DLG2: variants seen among roughly 807,000 people sequenced by gnomAD.
The protein encoded by DLG2 is disks large homolog 2.
A neutral mutation model predicts 132.5 loss-of-function variants in DLG2; 45 were observed. That is an observed-to-expected ratio of 0.34 (90% CI 0.27 to 0.44). The LOEUF is 0.44. Ranked by LOEUF, DLG2 falls within the 20% of genes least tolerant of loss-of-function variation. The pLI is 1.00. For synonymous variants in DLG2, 424 were observed against 419.6 expected (o/e 1.01, Z -0.13); for missense variants, 1,045 against 1,196.9 (o/e 0.87, Z 1.87).
intron 8 of DLG2, 75 bp from the exon 9 acceptor site, chr11:84,163,586 G>A: frequency 8.1e-7 from 1 of 1,227,110 alleles, no homozygotes; most frequent in Non-Finnish European, 1.1e-6. Context: ...TTTAAATAAT[G>A]CTTGGGGGTG....
At chr11:83,881,175 C>T (rs1311494847) in intron 15 of DLG2, among the ~76,000 whole-genome samples, 4 of 152,190 alleles carry the variant, frequency 2.6e-5, no homozygotes, top group Non-Finnish European at 5.9e-5. Context: ...GCTGACTTTT[C>T]TCCATTTGGA....
At chr11:84,932,178 A>G (rs1341248604) in intron 6 of DLG2, among the ~76,000 whole-genome samples, 2 of 152,044 alleles carry the variant, frequency 1.3e-5, no homozygotes, top group African/African-American at 4.8e-5. Context: ...GCATCTTTAT[A>G]ATGAAATCTT....
At chr11:84,707,017 C>G (rs181727337) in intron 6 of DLG2, among the ~76,000 whole-genome samples, 1 of 151,856 alleles carries the variant, frequency 6.6e-6, no homozygotes, top group Admixed American at 6.6e-5. Flanking sequence ...CTAGCTGTGA[C>G]AGTGCAAAAT....
chr11:84,404,404 A>G (rs183245465), intron 7 of DLG2, among the ~76,000 whole-genome samples: 81 of 152,178 alleles, frequency 5.3e-4, no homozygotes, highest in African/African-American at 1.9e-3. Flanking sequence ...CTCAATCCCT[A>G]GACAAAGTTA....
intron 15 of DLG2, among the ~76,000 whole-genome samples, chr11:83,880,728 A>G (rs2065994752): frequency 6.6e-6 from 1 of 152,160 alleles, no homozygotes; most frequent in African/African-American, 2.4e-5. Flanking sequence ...AGAAAAATAT[A>G]ATTGAATTTG....
intron 4 of DLG2, among the ~76,000 whole-genome samples, chr11:85,252,820 G>A (rs1438203835): frequency 1.3e-5 from 2 of 152,096 alleles, no homozygotes; most frequent in Admixed American, 6.5e-5. Context: ...CAAAACATAT[G>A]TATTTTAAAG....
chr11:83,483,384 T>C (rs2093281152), intron 22 of DLG2: 2 of 1,018,328 alleles, frequency 2.0e-6, no homozygotes, highest in African/African-American at 1.6e-5. Flanking sequence ...TTGAAATGAA[T>C]ACTACCATGA....
chr11:84,318,925 G>C (rs983795098), intron 7 of DLG2, among the ~76,000 whole-genome samples: 12 of 151,846 alleles, frequency 7.9e-5, no homozygotes, highest in African/African-American at 2.9e-4. Flanking sequence ...ATAAATGGAA[G>C]GAAAAAATAG....
intron 3 of DLG2, among the ~76,000 whole-genome samples, chr11:85,509,163 T>C (rs772020429): frequency 3.9e-5 from 6 of 152,096 alleles, no homozygotes; most frequent in Non-Finnish European, 8.8e-5. Context: ...AAATTTCTTT[T>C]AATCACGGTT....
At chr11:85,232,776 CTAAATTACCTTAAT>C (rs1411928449) in intron 4 of DLG2, among the ~76,000 whole-genome samples, 1 of 151,894 alleles carries the variant, frequency 6.6e-6, no homozygotes, top group Admixed American at 6.6e-5. Flanking sequence ...AATAATTTAT[CTAAATTACCTTAAT>C]TTTTCCATAA....
At chr11:83,881,739 A>C (rs192001784) in intron 15 of DLG2, among the ~76,000 whole-genome samples, 54 of 152,354 alleles carry the variant, frequency 3.5e-4, no homozygotes, top group Non-Finnish European at 6.6e-4. Flanking sequence ...ATAAATTTCC[A>C]TTCCTTTCAG....
At chr11:84,869,583 T>C (rs1235573511) in intron 6 of DLG2, among the ~76,000 whole-genome samples, 1 of 152,212 alleles carries the variant, frequency 6.6e-6, no homozygotes, top group African/African-American at 2.4e-5. Flanking sequence ...ATGGACAACC[T>C]AAGCATGTAG....
Position 83,482,681 on chromosome 11 carries a change from AT to A in DLG2, c.2293+1447del, listed in dbSNP as rs557636256. ...GGATCACCGCAAGTCAGAAAAAAAA[AT>A]CAAAGTTAATAACAAATAAATAAAT... On this transcript the variant is annotated intron_variant, in intron 22 of 27. Coordinates refer to ENST00000376104, the MANE Select transcript of DLG2 (RefSeq NM_001142699.3). 3.8e-3 allele frequency among the ~76,000 whole-genome samples: 584 copies of A among 152,254 alleles called. 5 individuals carry two copies. The highest frequency in any genetic ancestry group is 0.014 in the Middle Eastern group (4 of 294).
At chr11:85,389,057 A>C (rs1218795179) in intron 3 of DLG2, among the ~76,000 whole-genome samples, 2 of 152,194 alleles carry the variant, frequency 1.3e-5, no homozygotes, top group Non-Finnish European at 2.9e-5. Flanking sequence ...AAGCCAATCA[A>C]GGAGGTACCA....
intron 5 of DLG2, among the ~76,000 whole-genome samples, chr11:85,139,574 T>G (rs2152427663): frequency 6.6e-6 from 1 of 152,232 alleles, no homozygotes; most frequent in Admixed American, 6.6e-5. Flanking sequence ...AAGGTTATTA[T>G]AGTGAAGCAA....
At chr11:83,836,868 C>G (rs958561135) in intron 16 of DLG2, among the ~76,000 whole-genome samples, 1 of 152,172 alleles carries the variant, frequency 6.6e-6, no homozygotes, top group Non-Finnish European at 1.5e-5. Context: ...ATAGAGTCCT[C>G]TTGCAGCTGG....
intron 25 of DLG2, among the ~76,000 whole-genome samples, chr11:83,467,208 C>T (rs1045744060): frequency 6.6e-6 from 1 of 152,168 alleles, no homozygotes; most frequent in Non-Finnish European, 1.5e-5. Context: ...TAGGTATTAT[C>T]AGCTGCATTT....
chr11:83,580,895 C>CCCCTCCCCTCCCCTCCCCTCCT (rs1363395201), intron 19 of DLG2, among the ~76,000 whole-genome samples: 1 of 112,090 alleles, frequency 8.9e-6, no homozygotes, highest in East Asian at 2.7e-4. Flanking sequence ...TCTCCCCTCC[C>CCCCTCCCCTCCCCTCCCCTCCT]TTCCCCTCCC....
At chr11:84,841,912 T>C (rs2080748446) in intron 6 of DLG2, among the ~76,000 whole-genome samples, 1 of 151,988 alleles carries the variant, frequency 6.6e-6, no homozygotes, top group Admixed American at 6.6e-5. Flanking sequence ...GCAGTAAACA[T>C]TGCTATATGG....
Sources: allele counts gnomAD v4.1 joint callset (sites outside exome capture counted in the v4.1 genomes callset), GRCh38; gene constraint gnomAD v4.1.1; transcripts MANE v1.5; gene names NCBI Gene and HGNC (gene_info 2026-07-23, HGNC 2026-07-21).